Variants in EIF3H observed in about 807,000 individuals in gnomAD.
The protein encoded by EIF3H is eIF-3-gamma.
In EIF3H, 26 loss-of-function variants were observed where a neutral mutation model predicts 44.2. The ratio of observed to expected loss-of-function variants is 0.59; its 90% CI spans 0.43 to 0.82. The LOEUF (loss-of-function observed/expected upper bound fraction) is 0.82, where lower values mean the gene tolerates loss of function less well. Among genes scored for constraint, EIF3H ranks in the 40% least tolerant of loss-of-function variants. The probability of loss-of-function intolerance (pLI) is 0.00; values close to 1 mark genes in which losing one functional copy is unlikely to be tolerated. For missense variants in EIF3H, 359 were observed against 432.8 expected, an observed-to-expected ratio of 0.83 and a Z score of 1.51; for synonymous variants, 166 against 151.9, an observed-to-expected ratio of 1.09 and a Z score of -0.68.
Position 116,752,697 on chromosome 8 carries a change from A to AAAG in EIF3H, c.132+2966_132+2968dup, listed in dbSNP as rs1325484484. Among the ~76,000 whole-genome samples the AAAG allele has an allele frequency of 1.5e-5, 2 of 130,222 alleles. 1 individual carries two copies. Among genetic ancestry groups the AAAG allele is most frequent in the African/African-American group, 5.7e-5 (2 of 35,068 alleles). 85.4% of individuals were successfully genotyped at this position (130,222 alleles called of 152,430 possible). On this transcript the variant is annotated intron_variant, in intron 1 of 7. Coordinates refer to ENST00000521861, the MANE Select transcript of EIF3H (RefSeq NM_003756.3). The stretch of plus-strand genomic sequence containing the variant: ...GAAAGAAAGAAAGAAAGAAAGAAAG[A>AAAG]AAGAAAGAAAGAAAGAAAGAAAGAA...
chr8:116,663,198 C>T (rs542800941), intron 2 of EIF3H, among the ~76,000 whole-genome samples: 1 of 152,022 alleles, frequency 6.6e-6, no homozygotes, highest in Non-Finnish European at 1.5e-5. Context: ...GTGGCTCACA[C>T]CTCAGAAGGA....
At chr8:116,707,231 C>G (rs1409073265) in intron 2 of EIF3H, among the ~76,000 whole-genome samples, 4 of 152,160 alleles carry the variant, frequency 2.6e-5, no homozygotes, top group Non-Finnish European at 5.9e-5. Flanking sequence ...TAAAAAATAT[C>G]AGTCCACATA....
intron 2 of EIF3H, among the ~76,000 whole-genome samples, chr8:116,716,998 T>G (rs1459530924): frequency 2.0e-5 from 3 of 152,086 alleles, no homozygotes; most frequent in African/African-American, 7.2e-5. Flanking sequence ...AACTGCTAGT[T>G]TTAGAGAGCA....
chr8:116,689,451 A>G (rs941400093), intron 2 of EIF3H, among the ~76,000 whole-genome samples: 6 of 152,236 alleles, frequency 3.9e-5, no homozygotes, highest in African/African-American at 1.4e-4. Flanking sequence ...AATGTGTAAA[A>G]TATTTCAATA....
At chr8:116,658,439 A>G (rs1563634491) in intron 3 of EIF3H, 1 of 161,688 alleles carries the variant, frequency 6.2e-6, no homozygotes, top group Admixed American at 6.3e-5. Flanking sequence ...TGTCAGAGGT[A>G]TAAAAAAAAC....
intron 1 of EIF3H, among the ~76,000 whole-genome samples, chr8:116,741,919 A>G (rs1255807724): frequency 1.3e-5 from 2 of 152,202 alleles, no homozygotes; most frequent in Non-Finnish European, 2.9e-5. Flanking sequence ...TTATTGCCAA[A>G]ATGTAAATTC....
intron 2 of EIF3H, among the ~76,000 whole-genome samples, chr8:116,667,319 A>G (rs757814675): frequency 1.6e-4 from 25 of 152,308 alleles, no homozygotes; most frequent in Non-Finnish European, 3.1e-4. Flanking sequence ...TGGGGCTTCA[A>G]TGAAAACTAT....
At chr8:116,651,000 G>A (rs1385571957) in intron 5 of EIF3H, among the ~76,000 whole-genome samples, 1 of 152,180 alleles carries the variant, frequency 6.6e-6, no homozygotes, top group Non-Finnish European at 1.5e-5. Context: ...AGGCTGCCAG[G>A]GGTTAGGGGA....
intron 2 of EIF3H, among the ~76,000 whole-genome samples, chr8:116,659,868 A>AT (rs1813555273): frequency 6.6e-6 from 1 of 152,074 alleles, no homozygotes; most frequent in South Asian, 2.1e-4. Flanking sequence ...CATAATAGCC[A>AT]TGCTATTTCT....
At chr8:116,734,905 C>A (rs528650120) in intron 1 of EIF3H, among the ~76,000 whole-genome samples, 1 of 152,270 alleles carries the variant, frequency 6.6e-6, no homozygotes, top group South Asian at 2.1e-4. Context: ...TCAAAACTAC[C>A]AATTTCATTT....
intron 2 of EIF3H, among the ~76,000 whole-genome samples, chr8:116,708,701 T>G (rs577134404): frequency 3.4e-3 from 519 of 152,200 alleles, no homozygotes; most frequent in Middle Eastern, 0.01. Context: ...GAAGGGAAAC[T>G]GAGAGCAGTA....
At chr8:116,752,736 A>AAAGAAGG (rs1435243692) in intron 1 of EIF3H, among the ~76,000 whole-genome samples, 1,024 of 87,074 alleles carry the variant, frequency 0.012, 34 homozygotes, top group East Asian at 0.022. Context: ...AAGAAAGAAG[A>AAAGAAGG]GAAAGAAAGA....
chr8:116,703,329 C>T (rs1814410130), intron 2 of EIF3H, among the ~76,000 whole-genome samples: 1 of 150,602 alleles, frequency 6.6e-6, no homozygotes, highest in South Asian at 2.1e-4. Flanking sequence ...GCCTGGGAAG[C>T]ACCCATTACT....
intron 1 of EIF3H, among the ~76,000 whole-genome samples, chr8:116,739,340 C>A (rs1815092537): frequency 6.6e-6 from 1 of 152,352 alleles, no homozygotes; most frequent in East Asian, 1.9e-4. Context: ...CAATGCTTAT[C>A]ACTGGCTTGC....
chr8:116,749,734 T>C (rs1419843764), intron 1 of EIF3H, among the ~76,000 whole-genome samples: 3 of 142,808 alleles, frequency 2.1e-5, no homozygotes, highest in Non-Finnish European at 4.7e-5. Flanking sequence ...CTCTGAGTTA[T>C]TTTTGAACAG....
intron 2 of EIF3H, among the ~76,000 whole-genome samples, chr8:116,661,676 T>C (rs16888625): frequency 0.055 from 8,328 of 152,264 alleles, 763 homozygotes; most frequent in African/African-American, 0.19. Flanking sequence ...CTCTGAAAAA[T>C]ATTCTGTAAT....
At chr8:116,752,727 A>AGAAG (rs1563663016) in intron 1 of EIF3H, among the ~76,000 whole-genome samples, 3 of 118,752 alleles carry the variant, frequency 2.5e-5, no homozygotes, top group Non-Finnish European at 3.7e-5. Flanking sequence ...AAAGAAAGAA[A>AGAAG]GAAAGAAGAG....
intron 2 of EIF3H, among the ~76,000 whole-genome samples, chr8:116,712,682 A>G (rs1405643325): frequency 6.6e-6 from 1 of 152,182 alleles, no homozygotes; most frequent in Non-Finnish European, 1.5e-5. Context: ...TCAAACAGAT[A>G]TAAGAACAAT....
intron 5 of EIF3H, among the ~76,000 whole-genome samples, chr8:116,652,584 C>G (rs1813412632): frequency 6.6e-6 from 1 of 152,074 alleles, no homozygotes; most frequent in African/African-American, 2.4e-5. Context: ...AATTTACTTT[C>G]AGATGGTTCA....
Sources: gnomAD v4.1 joint callset for allele counts (sites outside exome capture counted in the v4.1 genomes callset) on GRCh38, gnomAD v4.1.1 for gene constraint, MANE v1.5 for transcripts, NCBI Gene and HGNC (gene_info 2026-07-23, HGNC 2026-07-21) for gene names.